The following POC5 variants were observed in gnomAD, a reference collection of about 807,000 sequenced individuals.
POC5 encodes centrosomal protein POC5.
A neutral mutation model predicts 62.9 loss-of-function variants in POC5; 48 were observed. The observed-to-expected ratio is 0.76, with a 90% CI of 0.61 to 0.97. POC5 has a LOEUF of 0.97. Ranked by LOEUF, POC5 falls within the 50% of genes least tolerant of loss-of-function variation. The pLI, the probability that POC5 is intolerant of heterozygous loss-of-function variation, is 0.00. For missense variants in POC5, 696 were observed against 679.5 expected (o/e 1.02, Z -0.27); for synonymous variants, 236 against 228.2 (o/e 1.03, Z -0.31).
chr5:75,683,803 A>C (rs1775964969), intron 10 of POC5, among the ~76,000 whole-genome samples: 3 of 151,896 alleles, frequency 2.0e-5, no homozygotes. Context: ...TCTTGGGCTC[A>C]AGCGATCCTC....
At chr5:75,706,733 T>C (rs1460564496) in intron 3 of POC5, among the ~76,000 whole-genome samples, 3 of 152,128 alleles carry the variant, frequency 2.0e-5, no homozygotes, top group Non-Finnish European at 2.9e-5. Context: ...AATTTTTTTG[T>C]AGAGCTAGGG....
chr5:75,705,604 TAAATAATATGCTGAAA>T, intron 4 of POC5, 84 bp downstream of exon 4: 1 of 680,456 alleles, frequency 1.5e-6, no homozygotes, highest in Admixed American at 3.6e-5. Context: ...ATCCTGCTAA[TAAATAATATGCTGAAA>T]TTATTCCTCT....
intron 11 of POC5, among the ~76,000 whole-genome samples, chr5:75,677,272 T>C (rs1009026231): frequency 1.3e-5 from 2 of 152,204 alleles, no homozygotes; most frequent in African/African-American, 2.4e-5. Flanking sequence ...ATCACATGCA[T>C]TTACTGCAAG....
chr5:75,690,520 A>G lies in POC5; in HGVS notation c.838T>C (p.Leu280=). The G allele has an allele frequency of 6.2e-7, 1 of 1,600,928 alleles. No homozygotes were observed. The highest frequency in any genetic ancestry group is 2.2e-5 in the East Asian group (1 of 44,712). ...CAGACTTTCCAGACTTTCTTCAGTA[A>G]AGTTCTCTGGTAGTACTGGTCAGCT... The part of the protein sequence containing the change: ...KLADQYYQRT[L]LKKVWKVWRS... The change falls in exon 8 of 12, where the codon TTA becomes CTA. Residue 280 remains leucine, a synonymous_variant. Transcript: ENST00000428202.
chr5:75,681,487 A>ATAAC (rs1775865564), intron 10 of POC5, among the ~76,000 whole-genome samples: 1 of 152,110 alleles, frequency 6.6e-6, no homozygotes, highest in Non-Finnish European at 1.5e-5. Context: ...GCTTGCTTGT[A>ATAAC]TAACTGTCCA....
At chr5:75,704,144 ACT>A (rs1777021629) in intron 4 of POC5, among the ~76,000 whole-genome samples, 1 of 141,914 alleles carries the variant, frequency 7.0e-6, no homozygotes, top group Non-Finnish European at 1.5e-5. Flanking sequence ...ATAGAGCGAG[ACT>A]CTGTCTCAAA....
chr5:75,689,496 C>A, intron 8 of POC5: 1 of 983,212 alleles, frequency 1.0e-6, no homozygotes, highest in Non-Finnish European at 1.2e-6. Flanking sequence ...AAACAAAATA[C>A]ATTAAGAGCC....
rs375555924 is a variant in POC5 at position 75,674,517 on chromosome 5, G to A, written c.1646C>T (p.Thr549Ile). 1.1e-4 allele frequency: 181 copies of A among 1,613,842 alleles called. No homozygotes were observed. Among genetic ancestry groups the A allele is most frequent in the Non-Finnish European group, 1.5e-4 (177 of 1,179,842 alleles). ...GGTTCCAAGTGATCTGGAAGCTGAGGTACTACTTTCAGGATGAATGGTCCG... is the reference window on the plus strand; with the variant it reads ...GGTTCCAAGTGATCTGGAAGCTGAGATACTACTTTCAGGATGAATGGTCCG... ...YPRTIHPESS[T>I]SASRSLGTRS... is the part of the protein sequence containing the mutation. The change falls in exon 12 of 12, where the codon ACC becomes ATC. Residue 549 changes from threonine (T) to isoleucine (I), a missense_variant. Transcript: ENST00000428202.
rs558716890 is a variant in POC5, at chr5:75,675,895, T to C, written c.1585-1317A>G. Among the ~76,000 whole-genome samples the C allele has an allele frequency of 6.6e-5, 10 of 152,326 alleles. No individual in the cohort carries two copies. The South Asian group carries it at 2.1e-3, about 32-fold the overall frequency. ...CAGTGTCACAAATCGCATCCTTGGT[T>C]TTTTAGTAATAACTATTTCTGGTAG... On this transcript the variant is annotated intron_variant, in intron 11 of 11. Transcript: ENST00000428202.
chr5:75,708,018 C>CTTGA, intron 2 of POC5, 143 bp from the exon 3 acceptor site: 1 of 749,730 alleles, frequency 1.3e-6, no homozygotes, highest in Non-Finnish European at 2.1e-6. Context: ...TTATTCCAAG[C>CTTGA]TTGAGTTCCT....
At chr5:75,702,091 C>T (rs1384388958) in intron 5 of POC5, among the ~76,000 whole-genome samples, 1 of 151,956 alleles carries the variant, frequency 6.6e-6, no homozygotes, top group East Asian at 1.9e-4. Context: ...CCAGTAGCAA[C>T]ACCTGGGAGC....
At chr5:75,684,899 G>A (rs112194443) in intron 10 of POC5, among the ~76,000 whole-genome samples, 24,879 of 140,940 alleles carry the variant, frequency 0.18, 2,329 homozygotes, top group South Asian at 0.22. Context: ...ATGGAGTCTC[G>A]CTCTGTTGCC....
intron 10 of POC5, among the ~76,000 whole-genome samples, chr5:75,684,041 G>C (rs4703676): frequency 0.17 from 25,646 of 151,932 alleles, 2,380 homozygotes; most frequent in South Asian, 0.21. Flanking sequence ...TTCATTTCAG[G>C]CAAGTTCTCA....
At chr5:75,709,666 T>C (rs1403375262) in intron 2 of POC5, 1 of 152,100 alleles carries the variant, frequency 6.6e-6, no homozygotes, top group African/African-American at 2.4e-5. Flanking sequence ...TATCCTTAGG[T>C]TAAAAAAAAT....
At chr5:75,704,193 A>T (rs756847266) in intron 4 of POC5, among the ~76,000 whole-genome samples, 1 of 150,946 alleles carries the variant, frequency 6.6e-6, no homozygotes, top group Non-Finnish European at 1.5e-5. Context: ...AAAAGTTAAT[A>T]TTTTCTCACA....
At chr5:75,688,559 G>A (rs1335042706) in intron 9 of POC5, among the ~76,000 whole-genome samples, 2 of 152,204 alleles carry the variant, frequency 1.3e-5, no homozygotes, top group African/African-American at 4.8e-5. Context: ...GCTGCAATGA[G>A]CTTAGTTGAG....
rs1295433997 is a variant in POC5, at chr5:75,690,521, A to G, written c.837T>C (p.Thr279=). Residue 279 remains threonine, a synonymous_variant, in exon 8 of 12, where the codon ACT becomes ACC. Transcript: ENST00000428202. The part of the protein sequence containing the change: ...GKLADQYYQR[T]LLKKVWKVWR... ...AGACTTTCCAGACTTTCTTCAGTAA[A>G]GTTCTCTGGTAGTACTGGTCAGCTA... 6.2e-7 allele frequency: 1 copy of G among 1,600,472 alleles called. No individual in the cohort carries two copies. Among genetic ancestry groups the G allele is most frequent in the Admixed American group, 1.7e-5 (1 of 58,234 alleles).
intron 2 of POC5, among the ~76,000 whole-genome samples, chr5:75,708,374 G>GCTT (rs1463242973): frequency 2.6e-5 from 4 of 152,000 alleles, no homozygotes; most frequent in African/African-American, 9.7e-5. Flanking sequence ...AGTATGAAGA[G>GCTT]GTGATAAGGT....
intron 5 of POC5, among the ~76,000 whole-genome samples, chr5:75,697,100 G>C (rs530862179): frequency 4.6e-5 from 7 of 152,166 alleles, no homozygotes; most frequent in African/African-American, 1.7e-4. Flanking sequence ...GAAAGTGATG[G>C]GGAGAATGGA....
Sources: allele counts gnomAD v4.1 joint callset (sites outside exome capture counted in the v4.1 genomes callset), GRCh38; gene constraint gnomAD v4.1.1; transcripts MANE v1.5; gene names NCBI Gene and HGNC (gene_info 2026-07-23, HGNC 2026-07-21).